The following MAGI2 variants were observed in gnomAD, a reference collection of about 807,000 sequenced individuals.
The protein encoded by MAGI2 is membrane-associated guanylate kinase, WW and PDZ domain-containing protein 2.
In MAGI2, 35 loss-of-function variants were observed where a neutral mutation model predicts 133.3. That is an observed-to-expected ratio of 0.26 (90% CI 0.20 to 0.35). The LOEUF (loss-of-function observed/expected upper bound fraction) is 0.35. Ranked by LOEUF, MAGI2 falls within the 10% of genes least tolerant of loss-of-function variation. The pLI, the probability that MAGI2 is intolerant of heterozygous loss-of-function variation, is 1.00. For synonymous variants in MAGI2, 729 were observed against 710.6 expected (o/e 1.03, Z -0.41); for missense variants, 1,636 against 1,863.4 (o/e 0.88, Z 2.25).
intron 10 of MAGI2, among the ~76,000 whole-genome samples, chr7:78,203,679 G>GCAAGGAAT (rs1410250858): frequency 6.6e-6 from 1 of 152,220 alleles, no homozygotes; most frequent in Non-Finnish European, 1.5e-5. Flanking sequence ...GTGCTGCAGA[G>GCAAGGAAT]TAAGGAATTT....
chr7:78,319,997 C>G (rs1013087150), intron 9 of MAGI2, among the ~76,000 whole-genome samples: 9 of 152,132 alleles, frequency 5.9e-5, no homozygotes, highest in African/African-American at 2.2e-4. Flanking sequence ...CTATAAACAC[C>G]TCTACACAAA....
At chr7:78,220,240 A>G (rs1311005429) in intron 10 of MAGI2, among the ~76,000 whole-genome samples, 1 of 152,166 alleles carries the variant, frequency 6.6e-6, no homozygotes, top group Non-Finnish European at 1.5e-5. Context: ...ATTGCCTGGC[A>G]CGAAGTTACC....
intron 21 of MAGI2, among the ~76,000 whole-genome samples, chr7:78,024,685 CA>C (rs1462408422): frequency 1.3e-5 from 2 of 152,214 alleles, no homozygotes; most frequent in Non-Finnish European, 2.9e-5. Flanking sequence ...CTGCTGAAGA[CA>C]CAATTGAAAG....
At chr7:78,206,302 T>C (rs961377213) in intron 10 of MAGI2, among the ~76,000 whole-genome samples, 2 of 151,034 alleles carry the variant, frequency 1.3e-5, no homozygotes, top group Non-Finnish European at 3.0e-5. Flanking sequence ...TTCTTTTTTT[T>C]TTTTTTTGAG....
intron 1 of MAGI2, among the ~76,000 whole-genome samples, chr7:79,186,931 C>T (rs1827227449): frequency 6.6e-6 from 1 of 150,642 alleles, no homozygotes; most frequent in Admixed American, 6.6e-5. Context: ...GGCACTATTG[C>T]TATTATTAAA....
intron 2 of MAGI2, among the ~76,000 whole-genome samples, chr7:78,763,109 G>T (rs892414628): frequency 6.6e-6 from 1 of 152,180 alleles, no homozygotes; most frequent in Non-Finnish European, 1.5e-5. Context: ...TGTTCTTTCA[G>T]GTTCAGGGGA....
intron 21 of MAGI2, among the ~76,000 whole-genome samples, chr7:78,059,321 T>C (rs1469042571): frequency 6.6e-6 from 1 of 152,184 alleles, no homozygotes; most frequent in Non-Finnish European, 1.5e-5. Context: ...TTTCCAGAAA[T>C]GTTTGCCACC....
intron 6 of MAGI2, among the ~76,000 whole-genome samples, chr7:78,428,993 G>A (rs1229688109): frequency 1.3e-5 from 2 of 152,128 alleles, no homozygotes; most frequent in Non-Finnish European, 2.9e-5. Flanking sequence ...CTAACAAAAA[G>A]TTAGTGACTA....
chr7:78,389,009 T>C (rs1336377234), intron 6 of MAGI2, among the ~76,000 whole-genome samples: 1 of 152,228 alleles, frequency 6.6e-6, no homozygotes, highest in African/African-American at 2.4e-5. Flanking sequence ...CAATCAGTTA[T>C]TGTTACTCAG....
intron 1 of MAGI2, among the ~76,000 whole-genome samples, chr7:79,221,228 C>T (rs111633244): frequency 0.035 from 5,376 of 152,116 alleles, 153 homozygotes; most frequent in Non-Finnish European, 0.051. Flanking sequence ...TTTAACTATT[C>T]TTATTTTTAA....
intron 2 of MAGI2, among the ~76,000 whole-genome samples, chr7:78,767,359 T>A (rs921117302): frequency 6.6e-5 from 10 of 152,106 alleles, no homozygotes; most frequent in Non-Finnish European, 8.8e-5. Flanking sequence ...TTTTTTTTTT[T>A]TTACAATTAA....
intron 2 of MAGI2, among the ~76,000 whole-genome samples, chr7:78,850,226 A>G (rs6950191): frequency 0.22 from 33,422 of 152,026 alleles, 4,130 homozygotes; most frequent in South Asian, 0.45. Flanking sequence ...ACAGAGGTTA[A>G]GTATCTTGCC....
Position 78,343,693 on chromosome 7 carries a change from A to C in MAGI2, c.1408+85T>G, listed in dbSNP as rs553662898. 8.7e-5 allele frequency: 94 copies of C among 1,077,804 alleles called. No individual in the cohort carries two copies. In the East Asian group the frequency reaches 2.4e-3, roughly 28 times the overall value. 66.8% of individuals were successfully genotyped at this position (1,077,804 alleles called of 1,614,324 possible). On this transcript the variant is annotated intron_variant, in intron 9 of 21. Coordinates refer to ENST00000354212, the MANE Select transcript of MAGI2 (RefSeq NM_012301.4). ...AAGTGAAGTGACCTTTGTCTTTTGAATAAAAACACAAAAGAAGCTCCTTAT... is the reference window on the plus strand; with the variant it reads ...AAGTGAAGTGACCTTTGTCTTTTGACTAAAAACACAAAAGAAGCTCCTTAT...
chr7:78,467,751 T>G (rs1306221182), intron 6 of MAGI2, among the ~76,000 whole-genome samples: 1 of 152,122 alleles, frequency 6.6e-6, no homozygotes, highest in Non-Finnish European at 1.5e-5. Context: ...CTAGGTTGTT[T>G]ACTATAATAA....
At chr7:78,344,631 A>G (rs538778929) in intron 8 of MAGI2, among the ~76,000 whole-genome samples, 29 of 152,330 alleles carry the variant, frequency 1.9e-4, no homozygotes, top group African/African-American at 6.3e-4. Flanking sequence ...ATAAATTGCT[A>G]TTGGCTCCGA....
At chr7:78,874,124 A>G (rs898305087) in intron 2 of MAGI2, among the ~76,000 whole-genome samples, 1 of 152,200 alleles carries the variant, frequency 6.6e-6, no homozygotes, top group South Asian at 2.1e-4. Flanking sequence ...ACCATTATCA[A>G]ATATACAGAC....
At chr7:78,408,546 C>A (rs1797593559) in intron 6 of MAGI2, among the ~76,000 whole-genome samples, 1 of 151,978 alleles carries the variant, frequency 6.6e-6, no homozygotes, top group Admixed American at 6.6e-5. Flanking sequence ...TAGAGGCTTA[C>A]TACAGTACCT....
chr7:78,176,913 A>T (rs548806534), intron 14 of MAGI2, among the ~76,000 whole-genome samples: 80 of 125,720 alleles, frequency 6.4e-4, no homozygotes, highest in African/African-American at 1.7e-3. Context: ...ATATAGACAC[A>T]CACACACACA....
intron 2 of MAGI2, among the ~76,000 whole-genome samples, chr7:78,863,744 G>A (rs1327781407): frequency 6.6e-6 from 1 of 152,186 alleles, no homozygotes; most frequent in East Asian, 1.9e-4. Flanking sequence ...AGCTGATAAA[G>A]GCCAGAGAGT....
Sources: gnomAD v4.1 joint callset for allele counts (sites outside exome capture counted in the v4.1 genomes callset) on GRCh38, gnomAD v4.1.1 for gene constraint, MANE v1.5 for transcripts, NCBI Gene and HGNC (gene_info 2026-07-23, HGNC 2026-07-21) for gene names.